CCDC7: variants seen among roughly 807,000 people sequenced by gnomAD.
CCDC7 encodes coiled-coil domain containing 7.
In CCDC7, 183 loss-of-function variants were observed where a neutral mutation model predicts 196.9. The observed-to-expected ratio is 0.93, with a 90% CI of 0.82 to 1.05. CCDC7 has a LOEUF of 1.05. CCDC7 is among the 50% of genes least tolerant of loss of function. CCDC7 has a pLI of 0.00. For synonymous variants in CCDC7, 525 were observed against 484.6 expected (o/e 1.08, Z -1.10); for missense variants, 1,540 against 1,482.2 (o/e 1.04, Z -0.64).
intron 20 of CCDC7, among the ~76,000 whole-genome samples, chr10:32,641,736 TAG>T (rs1056225479): frequency 9.9e-5 from 15 of 152,224 alleles, no homozygotes; most frequent in East Asian, 1.9e-4. Flanking sequence ...CTCTGATTTT[TAG>T]AGTTTCCAGT....
At chr10:32,534,406 T>A (rs1398294322) in intron 11 of CCDC7, among the ~76,000 whole-genome samples, 1 of 152,192 alleles carries the variant, frequency 6.6e-6, no homozygotes, top group Non-Finnish European at 1.5e-5. Flanking sequence ...TGGTCAGTCA[T>A]GGTGTTTTTG....
chr10:32,737,486 G>T (rs188242118), intron 28 of CCDC7, among the ~76,000 whole-genome samples: 22 of 152,254 alleles, frequency 1.4e-4, no homozygotes, highest in Non-Finnish European at 2.8e-4. Context: ...AGCTTGAGAA[G>T]AATGTGTATT....
intron 40 of CCDC7, among the ~76,000 whole-genome samples, chr10:32,853,011 C>T (rs1297132779): frequency 6.6e-6 from 1 of 152,130 alleles, no homozygotes; most frequent in Non-Finnish European, 1.5e-5. Context: ...GGTTGGAACT[C>T]CTAGCTTTTT....
chr10:32,577,216 G>T (rs1009771309), intron 16 of CCDC7, among the ~76,000 whole-genome samples: 1 of 151,994 alleles, frequency 6.6e-6, no homozygotes, highest in African/African-American at 2.4e-5. Flanking sequence ...ACAAAAATTA[G>T]CTGGGCATGG....
intron 33 of CCDC7, among the ~76,000 whole-genome samples, chr10:32,836,142 G>A (rs2135990765): frequency 6.6e-6 from 1 of 152,180 alleles, no homozygotes; most frequent in African/African-American, 2.4e-5. Context: ...GTGAGATACT[G>A]AAAGAGGCAG....
exon 19 of CCDC7, chr10:32,634,270 A>G: frequency 8.3e-7 from 1 of 1,210,490 alleles, no homozygotes; most frequent in African/African-American, 1.6e-5. Context: ...GTGAAGTTCC[A>G]GATGAAAATC....
chr10:32,484,857 C>A (rs193037695), intron 8 of CCDC7, among the ~76,000 whole-genome samples: 102 of 152,254 alleles, frequency 6.7e-4, no homozygotes, highest in African/African-American at 2.3e-3. Flanking sequence ...CCCACTTGAT[C>A]GTGGTGGATA....
At position 32,875,952 on chromosome 10, in the gene CCDC7, C is replaced by T. The variant is rs561846107; in HGVS notation, c.4112-395C>T. Among the ~76,000 whole-genome samples, 6 of 152,004 alleles carry T rather than the reference C, an allele frequency of 3.9e-5. No homozygotes were observed. The East Asian group carries it at 1.2e-3, about 30-fold the overall frequency. On this transcript the variant is annotated intron_variant, in intron 41 of 41. Coordinates refer to ENST00000639629, the Ensembl canonical transcript of CCDC7. ...TGAACTGGAACTTTTTGAATGTCTC[C>T]ATTAAGACTTCTTAAAGTGTGGTCT... is the stretch of plus-strand genomic sequence containing the variant.
intron 24 of CCDC7, among the ~76,000 whole-genome samples, chr10:32,696,178 CAAT>C (rs2077696639): frequency 6.6e-6 from 1 of 152,040 alleles, no homozygotes; most frequent in Non-Finnish European, 1.5e-5. Context: ...TATGTCATAA[CAAT>C]AACCCATTCA....
At chr10:32,559,204 C>T (rs1049636303) in intron 13 of CCDC7, among the ~76,000 whole-genome samples, 1 of 152,228 alleles carries the variant, frequency 6.6e-6, no homozygotes, top group African/African-American at 2.4e-5. Flanking sequence ...CTCAAGGAGG[C>T]CTGCCTGCCT....
intron 24 of CCDC7, among the ~76,000 whole-genome samples, chr10:32,701,481 T>C (rs2078713294): frequency 1.3e-5 from 2 of 152,156 alleles, no homozygotes; most frequent in South Asian, 4.1e-4. Context: ...AAATTCTCTT[T>C]TTTGGTTGTG....
intron 8 of CCDC7, among the ~76,000 whole-genome samples, chr10:32,490,142 C>A (rs1469542616): frequency 6.6e-6 from 1 of 152,122 alleles, no homozygotes; most frequent in African/African-American, 2.4e-5. Context: ...GTATGCTGAT[C>A]TCCTCAGCTA....
chr10:32,758,045 A>T (rs1376854131), intron 28 of CCDC7, among the ~76,000 whole-genome samples: 1 of 152,212 alleles, frequency 6.6e-6, no homozygotes, highest in Non-Finnish European at 1.5e-5. Context: ...CCAAGACTAA[A>T]CCAGGAAGAA....
chr10:32,477,718 G>T (rs80292728), intron 8 of CCDC7, among the ~76,000 whole-genome samples: 6,580 of 152,146 alleles, frequency 0.043, 472 homozygotes, highest in African/African-American at 0.15. Flanking sequence ...GTCTATTTTG[G>T]CAGTGCTACA....
rs1184142026 is a variant in CCDC7 at position 32,633,694 on chromosome 10, ATATGTGTG to A, written c.1802-558_1802-551del. Among the ~76,000 whole-genome samples, 169 of 112,986 alleles carry A rather than the reference ATATGTGTG, an allele frequency of 1.5e-3. 1 individual carries two copies. Among genetic ancestry groups the A allele is most frequent in the African/African-American group, 6.8e-3 (162 of 23,808 alleles). The allele number at this position is 112,986 out of a possible 152,430, so 74.1% of individuals were successfully genotyped here. A position where few individuals can be genotyped will look rare whatever the true frequency, so the allele number is the denominator to read the frequency against. On this transcript the variant is annotated intron_variant, in intron 18 of 41. Coordinates refer to ENST00000639629, the Ensembl canonical transcript of CCDC7. ...GATTTAGCTTTGTGTATATATATATATATGTGTGTGTGTGTGTGTGTGTGTGTGTGTGT... is the reference window on the plus strand; with the variant it reads ...GATTTAGCTTTGTGTATATATATATATGTGTGTGTGTGTGTGTGTGTGTGT...
intron 5 of CCDC7, among the ~76,000 whole-genome samples, chr10:32,469,733 T>A (rs2037568419): frequency 1.3e-5 from 2 of 152,124 alleles, no homozygotes. Flanking sequence ...GTGATGCTGT[T>A]GAAATTTTCT....
intron 3 of CCDC7, among the ~76,000 whole-genome samples, chr10:32,460,776 G>A (rs533508888): frequency 1.3e-5 from 2 of 152,264 alleles, no homozygotes; most frequent in African/African-American, 2.4e-5. Flanking sequence ...AGCATGCAAA[G>A]CAATCACCTG....
Position 32,517,936 on chromosome 10 carries a change from AT to A in CCDC7, c.873-4del, listed in dbSNP as rs773612871. 4 of 1,588,682 alleles carry A rather than the reference AT, an allele frequency of 2.5e-6. No individual in the cohort carries two copies. The highest frequency in any genetic ancestry group is 3.4e-6 in the Non-Finnish European group (4 of 1,169,912). On this transcript the variant is annotated splice_polypyrimidine_tract_variant and splice_region_variant and intron_variant, in intron 9 of 41. Transcript: ENST00000639629. ...ATTATAAACACACTTTTTTTGGTTT[AT>A]TTTTCAGAGCTGTAAATGATCAAGT...
chr10:32,606,231 G>A (rs1323032424), intron 18 of CCDC7, among the ~76,000 whole-genome samples: 1 of 152,224 alleles, frequency 6.6e-6, no homozygotes, highest in Non-Finnish European at 1.5e-5. Flanking sequence ...GAGTAAAGGA[G>A]GCTTGGCAGC....
Sources: allele counts gnomAD v4.1 joint callset (sites outside exome capture counted in the v4.1 genomes callset), GRCh38; gene constraint gnomAD v4.1.1; transcripts MANE v1.5; gene names NCBI Gene and HGNC (gene_info 2026-07-23, HGNC 2026-07-21).